Variants in NDST4 observed in about 807,000 individuals in gnomAD.
NDST4 encodes the protein N-heparan sulfate sulfotransferase 4.
NDST4 carries 63 observed loss-of-function variants against 100.8 expected under a neutral mutation model. That is an observed-to-expected ratio of 0.62 (90% CI 0.51 to 0.77). The LOEUF (loss-of-function observed/expected upper bound fraction) is 0.77. Among genes scored for constraint, NDST4 ranks in the 30% least tolerant of loss-of-function variants. The probability of loss-of-function intolerance (pLI) is 0.00; values close to 1 mark genes in which losing one functional copy is unlikely to be tolerated. For missense variants in NDST4, 943 were observed against 1,018.4 expected, an observed-to-expected ratio of 0.93 and a Z score of 1.01; for synonymous variants, 377 against 361.8, an observed-to-expected ratio of 1.04 and a Z score of -0.48.
chr4:114,923,465 T>C (rs1199278566), intron 6 of NDST4, among the ~76,000 whole-genome samples: 2 of 152,114 alleles, frequency 1.3e-5, no homozygotes, highest in Non-Finnish European at 2.9e-5. Flanking sequence ...TAATAAAATC[T>C]AGCATTTTGA....
chr4:114,838,804 CTT>C (rs540720577), intron 11 of NDST4, among the ~76,000 whole-genome samples: 4 of 141,762 alleles, frequency 2.8e-5, no homozygotes, highest in East Asian at 2.0e-4. Context: ...TAGCCCAGAA[CTT>C]TTTTTTTTTT....
chr4:114,839,629 G>A (rs1358078339), intron 10 of NDST4, 81 bp from the exon 11 acceptor site: 3 of 1,241,512 alleles, frequency 2.4e-6, no homozygotes, highest in Non-Finnish European at 3.4e-6. Context: ...GTGAGCACAT[G>A]CATGTGTGTG....
At chr4:114,889,354 G>T (rs1450034136) in intron 6 of NDST4, among the ~76,000 whole-genome samples, 1 of 152,140 alleles carries the variant, frequency 6.6e-6, no homozygotes, top group Non-Finnish European at 1.5e-5. Flanking sequence ...TATATAACTG[G>T]TTATTGCTTA....
chr4:114,933,432 C>CTTTTTTTTTTTTTTTTTCCTTTT (rs1725555563), intron 6 of NDST4, among the ~76,000 whole-genome samples: 10 of 89,246 alleles, frequency 1.1e-4, no homozygotes, highest in Non-Finnish European at 1.7e-4. Flanking sequence ...TTTTCTTTTC[C>CTTTTTTTTTTTTTTTTTCCTTTT]TTTTTTTTTT....
rs72901206 is a variant in NDST4, at chr4:114,899,931, G to A, written c.1537-28981C>T. Among the ~76,000 whole-genome samples the A allele has an allele frequency of 4.6e-3, 704 of 152,140 alleles. 7 individuals carry two copies. Among genetic ancestry groups the A allele is most frequent in the African/African-American group, 0.016 (658 of 41,512 alleles). On this transcript the variant is annotated intron_variant, in intron 6 of 13. Coordinates refer to ENST00000264363, the MANE Select transcript of NDST4 (RefSeq NM_022569.3). ...ATTGCTGTGATTTTTTTCCTTAAAT[G>A]TTTGTTAGAATTCACCAGTGAACCC...
At chr4:114,971,245 AAAACT>A (rs1196626411) in intron 3 of NDST4, among the ~76,000 whole-genome samples, 1 of 152,104 alleles carries the variant, frequency 6.6e-6, no homozygotes. Context: ...ATATTTCATA[AAAACT>A]AAACAATGGA....
chr4:114,875,005 G>T (rs1724228396), intron 6 of NDST4, among the ~76,000 whole-genome samples: 1 of 152,098 alleles, frequency 6.6e-6, no homozygotes, highest in Non-Finnish European at 1.5e-5. Flanking sequence ...TTGAAATATT[G>T]CAGCTCAGAG....
chr4:114,946,510 G>A (rs1725866691), intron 4 of NDST4, among the ~76,000 whole-genome samples: 1 of 152,188 alleles, frequency 6.6e-6, no homozygotes, highest in South Asian at 2.1e-4. Context: ...TTGAGTTAAG[G>A]TAAAAAGTTG....
At chr4:115,055,680 C>T (rs1161308289) in intron 2 of NDST4, among the ~76,000 whole-genome samples, 1 of 151,990 alleles carries the variant, frequency 6.6e-6, no homozygotes, top group Admixed American at 6.6e-5. Context: ...TAATTTGAGT[C>T]TGTATTTTAA....
intron 4 of NDST4, among the ~76,000 whole-genome samples, chr4:114,949,864 T>C (rs148780789): frequency 1.0e-3 from 154 of 152,136 alleles, no homozygotes; most frequent in African/African-American, 3.7e-3. Context: ...TGAGTATACA[T>C]TTAGAAGTGA....
At position 115,076,777 on chromosome 4, in the gene NDST4, T is replaced by C. The variant is rs1432376095; in HGVS notation, c.260A>G (p.Gln87Arg). 6.2e-7 allele frequency: 1 copy of C among 1,613,892 alleles called. No individual in the cohort carries two copies. Among genetic ancestry groups the C allele is most frequent in the African/African-American group, 1.3e-5 (1 of 74,940 alleles). ...GATATCTTGACCGAGTTGAGAGTAT[T>C]GGCTCTCCACGAAGAGAAGGACAGT... ...DPTVLLFVESQYSQLGQDIIA... is the reference protein window; with the variant it reads ...DPTVLLFVESRYSQLGQDIIA... The change falls in exon 2 of 14, where the codon CAA becomes CGA. Residue 87 changes from glutamine (Q) to arginine (R), a missense_variant. Physicochemically the swap from Gln to Arg is conservative, Grantham distance 43. Around this residue, in one of 2 missense-constraint regions of NDST4, gnomAD observed 417 missense variants for 384.2 expected, o/e 1.09. Transcript: ENST00000264363.
Position 114,944,540 on chromosome 4 carries a change from C to T in NDST4, c.1222-7037G>A, listed in dbSNP as rs116227277. Among the ~76,000 whole-genome samples, 598 of 152,286 alleles carry T rather than the reference C, an allele frequency of 3.9e-3. 5 individuals are homozygous for T. Among genetic ancestry groups the T allele is most frequent in the African/African-American group, 0.014 (585 of 41,560 alleles). On this transcript the variant is annotated intron_variant, in intron 4 of 13. Coordinates refer to ENST00000264363, the MANE Select transcript of NDST4 (RefSeq NM_022569.3). ...ATAAATCCTCTGCAATTGTCATTAT[C>T]ACCTCTAATCTTCTGGCATCTGATG... is the stretch of plus-strand genomic sequence containing the variant.
At chr4:114,834,993 T>A (rs1043149782) in intron 11 of NDST4, among the ~76,000 whole-genome samples, 1 of 152,164 alleles carries the variant, frequency 6.6e-6, no homozygotes, top group Non-Finnish European at 1.5e-5. Flanking sequence ...ATTCGATTCT[T>A]CTCTCTTTTC....
chr4:114,995,683 T>C (rs922806963), intron 2 of NDST4, among the ~76,000 whole-genome samples: 1 of 152,148 alleles, frequency 6.6e-6, no homozygotes, highest in Admixed American at 6.6e-5. Flanking sequence ...ATCAGAATGC[T>C]TCTGTTTTTA....
intron 2 of NDST4, among the ~76,000 whole-genome samples, chr4:115,057,856 C>T (rs1035712054): frequency 6.6e-6 from 1 of 151,882 alleles, no homozygotes; most frequent in Middle Eastern, 3.4e-3. Flanking sequence ...GTAAGCTTAA[C>T]AATAATATAT....
intron 1 of NDST4, among the ~76,000 whole-genome samples, chr4:115,110,715 T>C (rs572789122): frequency 1.5e-3 from 230 of 152,106 alleles, no homozygotes; most frequent in Non-Finnish European, 2.8e-3. Flanking sequence ...GAGTTTCTGG[T>C]AGGCTTATTT....
chr4:115,060,260 G>A (rs1728789848), intron 2 of NDST4, among the ~76,000 whole-genome samples: 1 of 151,918 alleles, frequency 6.6e-6, no homozygotes. Flanking sequence ...TTTAGGGTGA[G>A]CAACTCTCAG....
chr4:115,073,579 A>G (rs1381107980), intron 2 of NDST4, among the ~76,000 whole-genome samples: 1 of 151,946 alleles, frequency 6.6e-6, no homozygotes. Context: ...AGATAAATAC[A>G]TAATCTCACT....
At chr4:114,922,776 G>A (rs1009818660) in intron 6 of NDST4, among the ~76,000 whole-genome samples, 3 of 152,180 alleles carry the variant, frequency 2.0e-5, no homozygotes, top group African/African-American at 7.2e-5. Flanking sequence ...GTAGACACAT[G>A]CGGTTATGGC....
Sources: allele counts gnomAD v4.1 joint callset (sites outside exome capture counted in the v4.1 genomes callset), GRCh38; gene constraint gnomAD v4.1.1; regional missense constraint gnomAD v4.1.1; transcripts MANE v1.5; gene names NCBI Gene and HGNC (gene_info 2026-07-23, HGNC 2026-07-21).